The following HYCC1 variants were observed in gnomAD, a reference collection of about 807,000 sequenced individuals.
The protein encoded by HYCC1 is hyccin PI4KA lipid kinase complex subunit 1.
At chr7:22,903,587 A>G in the HYCC1 span, among the ~76,000 whole-genome samples, 4 of 152,204 alleles carry the variant, frequency 2.6e-5, no homozygotes, top group Non-Finnish European at 4.4e-5. Flanking sequence ...ACCTACCCAC[A>G]AAGTAAATTC....
the HYCC1 span, among the ~76,000 whole-genome samples, chr7:22,899,130 C>T: frequency 6.6e-6 from 1 of 152,126 alleles, no homozygotes. Flanking sequence ...TGGGGAGGGG[C>T]ATTTCTGAAT....
the HYCC1 span, among the ~76,000 whole-genome samples, chr7:22,931,178 C>A: frequency 2.1e-5 from 3 of 143,104 alleles, no homozygotes; most frequent in Admixed American, 1.5e-4. Context: ...CATGAAGACA[C>A]ACAGGAAAGA....
At chr7:22,897,456 G>A in the HYCC1 span, among the ~76,000 whole-genome samples, 1 of 152,200 alleles carries the variant, frequency 6.6e-6, no homozygotes, top group Non-Finnish European at 1.5e-5. Context: ...GACCAGAAAG[G>A]AGGTTATAAT....
chr7:22,975,699 T>C, the HYCC1 span, among the ~76,000 whole-genome samples: 2 of 151,974 alleles, frequency 1.3e-5, no homozygotes, highest in Middle Eastern at 3.4e-3. Flanking sequence ...CATGATGTTC[T>C]TGTTTTTGTT....
At chr7:22,967,021 T>C in the HYCC1 span, among the ~76,000 whole-genome samples, 1 of 152,214 alleles carries the variant, frequency 6.6e-6, no homozygotes, top group African/African-American at 2.4e-5. Flanking sequence ...CACATTGTTA[T>C]GATAGGGATG....
the HYCC1 span, chr7:22,937,535 G>A: frequency 6.6e-6 from 1 of 152,094 alleles, no homozygotes; most frequent in Admixed American, 6.5e-5. Context: ...AAAATAATCA[G>A]AGTAAAGCTT....
At chr7:22,986,511 T>C in the HYCC1 span, among the ~76,000 whole-genome samples, 30,007 of 152,102 alleles carry the variant, frequency 0.2, 3,456 homozygotes, top group Non-Finnish European at 0.26. Flanking sequence ...ATAACTGGAG[T>C]TGAAAAGCAC....
At chr7:23,003,795 T>C in the HYCC1 span, among the ~76,000 whole-genome samples, 2 of 151,992 alleles carry the variant, frequency 1.3e-5, no homozygotes, top group African/African-American at 2.4e-5. Context: ...CAACAGAAAA[T>C]AGTAGGGCAA....
the HYCC1 span, among the ~76,000 whole-genome samples, chr7:22,970,499 T>C: frequency 2.0e-5 from 3 of 152,110 alleles, no homozygotes; most frequent in African/African-American, 4.8e-5. Flanking sequence ...TGACAGTCTA[T>C]ATCAAAAGAA....
chr7:22,986,419 AT>A, the HYCC1 span, among the ~76,000 whole-genome samples: 1 of 152,270 alleles, frequency 6.6e-6, no homozygotes, highest in African/African-American at 2.4e-5. Flanking sequence ...TAGCAAAAAC[AT>A]TTAAATTTTC....
chr7:22,998,805 T>C, the HYCC1 span, among the ~76,000 whole-genome samples: 2 of 152,148 alleles, frequency 1.3e-5, no homozygotes, highest in African/African-American at 4.8e-5. Flanking sequence ...TCTTTTCTCC[T>C]GAACACACCA....
the HYCC1 span, among the ~76,000 whole-genome samples, chr7:22,925,525 C>A: frequency 8.5e-5 from 13 of 152,222 alleles, 2 homozygotes; most frequent in South Asian, 2.5e-3. Flanking sequence ...ACGAGAACTA[C>A]GTGACAAATG....
chr7:23,002,212 G>A, the HYCC1 span, among the ~76,000 whole-genome samples: 2 of 140,184 alleles, frequency 1.4e-5, no homozygotes, highest in African/African-American at 5.5e-5. Flanking sequence ...AATGAAAAAT[G>A]CTGAAAAACC....
the HYCC1 span, chr7:22,942,305 A>G: frequency 6.6e-6 from 1 of 152,204 alleles, no homozygotes; most frequent in Admixed American, 6.6e-5. Context: ...AACAAACTTC[A>G]GGCATCATTT....
the HYCC1 span, among the ~76,000 whole-genome samples, chr7:22,903,497 CTT>C: frequency 2.0e-5 from 3 of 152,134 alleles, no homozygotes; most frequent in Non-Finnish European, 2.9e-5. Flanking sequence ...AAAAATAAAA[CTT>C]ATCAAAATTG....
chr7:22,954,796 C>A, the HYCC1 span, among the ~76,000 whole-genome samples: 132 of 151,520 alleles, frequency 8.7e-4, no homozygotes, highest in African/African-American at 2.9e-3. Context: ...ACTCTTGGAT[C>A]CCCTAACTGA....
At chr7:22,967,211 A>C in the HYCC1 span, among the ~76,000 whole-genome samples, 1 of 152,330 alleles carries the variant, frequency 6.6e-6, no homozygotes, top group African/African-American at 2.4e-5. Flanking sequence ...TAGTAAGCAA[A>C]TATTTTCAAT....
the HYCC1 span, among the ~76,000 whole-genome samples, chr7:23,004,054 A>C: frequency 6.6e-6 from 1 of 152,356 alleles, no homozygotes; most frequent in Non-Finnish European, 1.5e-5. Context: ...CTAAGAGTCA[A>C]TTTGTTTTAG....
At chr7:22,954,738 T>C in the HYCC1 span, among the ~76,000 whole-genome samples, 1 of 151,570 alleles carries the variant, frequency 6.6e-6, no homozygotes, top group African/African-American at 2.4e-5. Context: ...GACTTAGAAA[T>C]ATATACAGTT....
Sources: gnomAD v4.1 joint callset for allele counts (sites outside exome capture counted in the v4.1 genomes callset) on GRCh38, gnomAD v4.1.1 for gene constraint, MANE v1.5 for transcripts, NCBI Gene and HGNC (gene_info 2026-07-23, HGNC 2026-07-21) for gene names.